The following RFT1 variants were observed in gnomAD, a reference collection of about 807,000 sequenced individuals.
RFT1 encodes man(5)GlcNAc(2)-PP-dolichol translocation protein RFT1.
Under a neutral mutation model 62.2 loss-of-function variants are expected in RFT1, and 43 were observed. The ratio of observed to expected loss-of-function variants is 0.69; its 90% confidence interval spans 0.54 to 0.89. RFT1 has a LOEUF of 0.89. Ranked by LOEUF, RFT1 falls within the 40% of genes least tolerant of loss-of-function variation. The pLI, the probability that RFT1 is intolerant of heterozygous loss-of-function variation, is 0.00. For missense variants in RFT1, 605 were observed against 649.9 expected, an observed-to-expected ratio of 0.93 and a Z score of 0.75; for synonymous variants, 262 against 264.6, an observed-to-expected ratio of 0.99 and a Z score of 0.10.
At chr3:53,092,739 T>C in intron 11 of RFT1, 121 bp from the exon 12 acceptor site, 2 of 1,186,994 alleles carry the variant, frequency 1.7e-6, no homozygotes, top group Non-Finnish European at 2.4e-6. Context: ...ATCCAGGTTT[T>C]CATAACATCG....
At chr3:53,082,781 G>A in the RFT1 span, among the ~76,000 whole-genome samples, 2 of 152,222 alleles carry the variant, frequency 1.3e-5, no homozygotes, top group Admixed American at 6.5e-5. Flanking sequence ...GGCCACCCAC[G>A]AATCTGAGAA....
Position 53,121,121 on chromosome 3 carries a change from T to C in RFT1, c.558+578A>G, listed in dbSNP as rs1701956522. On this transcript the variant is annotated intron_variant, in intron 5 of 12. Transcript: ENST00000296292. Reference sequence around the variant, plus strand: ...ATTTTTAAAAATAGCACTTGTACTCTAGTTGTATTTTTATTAGAACCAGAA... The same window carrying C: ...ATTTTTAAAAATAGCACTTGTACTCCAGTTGTATTTTTATTAGAACCAGAA... Among the ~76,000 whole-genome samples, 7 of 152,254 alleles carry C rather than the reference T, an allele frequency of 4.6e-5. No individual in the cohort carries two copies. In the South Asian group the frequency reaches 1.4e-3, roughly 31 times the overall value.
intron 11 of RFT1, among the ~76,000 whole-genome samples, chr3:53,095,455 G>C (rs1701112883): frequency 6.6e-6 from 1 of 152,182 alleles, no homozygotes; most frequent in African/African-American, 2.4e-5. Flanking sequence ...GCTCATGCCT[G>C]TAATCCCAGC....
At chr3:53,076,571 AC>A in the RFT1 span, among the ~76,000 whole-genome samples, 1 of 152,248 alleles carries the variant, frequency 6.6e-6, no homozygotes, top group Non-Finnish European at 1.5e-5. Flanking sequence ...ATATCAACTT[AC>A]GCCAAATCAT....
At chr3:53,110,661 G>T (rs1387079404) in intron 7 of RFT1, among the ~76,000 whole-genome samples, 1 of 151,662 alleles carries the variant, frequency 6.6e-6, no homozygotes, top group Non-Finnish European at 1.5e-5. Context: ...CAGATGGGGG[G>T]GAAATAAAAT....
chr3:53,124,873 C>T (rs1702066718), intron 2 of RFT1, among the ~76,000 whole-genome samples: 1 of 151,852 alleles, frequency 6.6e-6, no homozygotes, highest in South Asian at 2.1e-4. Context: ...TCAGGAGGCT[C>T]ATACGGGAGC....
the RFT1 span, among the ~76,000 whole-genome samples, chr3:53,075,104 C>T: frequency 3.7e-4 from 57 of 152,194 alleles, no homozygotes; most frequent in Non-Finnish European, 2.1e-4. Flanking sequence ...CCTTGGGCCC[C>T]GTTCTCCAGA....
chr3:53,099,601 A>G lies in RFT1; in HGVS notation c.1103-115T>C, dbSNP rs376685271. On this transcript the variant is annotated intron_variant, in intron 10 of 12. Coordinates refer to ENST00000296292, the MANE Select transcript of RFT1 (RefSeq NM_052859.4). ...CCAGACTATGAGGTCTGCTGGTATC[A>G]GCAATGGGCAGACTGCATGCTAGAG... 1.9e-4 allele frequency: 145 copies of G among 763,686 alleles called. 1 individual carries two copies. In the South Asian group the frequency reaches 2.0e-3, roughly 11 times the overall value. 47.3% of individuals were successfully genotyped at this position (763,686 alleles called of 1,614,324 possible). A position where few individuals can be genotyped will look rare whatever the true frequency, so the allele number is the denominator to read the frequency against.
chr3:53,072,795 T>A, the RFT1 span, among the ~76,000 whole-genome samples: 3 of 152,324 alleles, frequency 2.0e-5, no homozygotes, highest in Admixed American at 6.5e-5. Flanking sequence ...GTCCCGCTCA[T>A]CTGCTCAACA....
chr3:53,098,720 T>A (rs1701220653), intron 11 of RFT1, among the ~76,000 whole-genome samples: 1 of 134,610 alleles, frequency 7.4e-6, no homozygotes, highest in South Asian at 2.3e-4. Flanking sequence ...GAGAATGGCG[T>A]GAACCTGGGA....
At chr3:53,070,073 C>T in the RFT1 span, among the ~76,000 whole-genome samples, 22 of 152,250 alleles carry the variant, frequency 1.4e-4, no homozygotes, top group South Asian at 4.1e-3. Flanking sequence ...CCCCCATCTC[C>T]CACCTGCCCC....
At chr3:53,093,866 A>T (rs990349425) in intron 11 of RFT1, among the ~76,000 whole-genome samples, 22 of 152,270 alleles carry the variant, frequency 1.4e-4, no homozygotes, top group African/African-American at 5.3e-4. Context: ...ACAAAAAATT[A>T]AAAAATTAGC....
At chr3:53,079,611 G>A in the RFT1 span, among the ~76,000 whole-genome samples, 1 of 152,102 alleles carries the variant, frequency 6.6e-6, no homozygotes, top group Non-Finnish European at 1.5e-5. Context: ...GTGGGCGCCT[G>A]TAATCCCAGC....
At chr3:53,100,316 G>C (rs912937167) in intron 10 of RFT1, among the ~76,000 whole-genome samples, 7 of 152,178 alleles carry the variant, frequency 4.6e-5, no homozygotes, top group African/African-American at 1.7e-4. Flanking sequence ...AATCTTCTAA[G>C]CAGAGAACAG....
chr3:53,085,820 C>T (rs1480091738), downstream of RFT1: 5 of 152,186 alleles, frequency 3.3e-5, no homozygotes, highest in African/African-American at 9.7e-5. Flanking sequence ...GAATCGACTG[C>T]GCTGGAACAA....
chr3:53,099,109 T>C (rs1455135431), intron 11 of RFT1, among the ~76,000 whole-genome samples: 1 of 152,150 alleles, frequency 6.6e-6, no homozygotes, highest in African/African-American at 2.4e-5. Context: ...TCTGCAAACC[T>C]GGACTAATGT....
downstream of RFT1, among the ~76,000 whole-genome samples, chr3:53,083,868 A>C (rs1159346542): frequency 6.6e-6 from 1 of 152,278 alleles, no homozygotes; most frequent in Non-Finnish European, 1.5e-5. Context: ...TGGGGATCTC[A>C]GAAGCCATGT....
At position 53,089,272 on chromosome 3, in the gene RFT1, C is replaced by A. The variant is rs1023805231; in HGVS notation, c.*2631G>T. 1 of 152,512 alleles carries A rather than the reference C, an allele frequency of 6.6e-6. No homozygotes were observed. Among genetic ancestry groups the A allele is most frequent in the African/African-American group, 2.4e-5 (1 of 41,466 alleles). The allele number at this position is 152,512 out of a possible 1,614,324, so 9.4% of individuals were successfully genotyped here. A position where few individuals can be genotyped will look rare whatever the true frequency, so the allele number is the denominator to read the frequency against. On this transcript the variant is annotated 3_prime_UTR_variant, in exon 13 of 13. Transcript: ENST00000296292. ...TAAGCATTAAACAGCACAGCAGCAG[C>A]TCCTCACTGAGAGACCCCAAGCCAA... is the stretch of plus-strand genomic sequence containing the variant.
At chr3:53,073,737 A>G in the RFT1 span, among the ~76,000 whole-genome samples, 2 of 152,046 alleles carry the variant, frequency 1.3e-5, no homozygotes, top group Non-Finnish European at 2.9e-5. Flanking sequence ...GGCCGGTGAG[A>G]GCCTGAGCCC....
Sources: gnomAD v4.1 joint callset for allele counts (sites outside exome capture counted in the v4.1 genomes callset) on GRCh38, gnomAD v4.1.1 for gene constraint, MANE v1.5 for transcripts, NCBI Gene and HGNC (gene_info 2026-07-23, HGNC 2026-07-21) for gene names.